The following GABRD variants were observed in gnomAD, a reference collection of about 807,000 sequenced individuals.
GABRD encodes gamma-aminobutyric acid type A receptor subunit delta, also known as gamma-aminobutyric acid receptor subunit delta.
GABRD carries 25 observed loss-of-function variants against 47.3 expected under a neutral mutation model. The observed-to-expected ratio is 0.53, with a 90% CI of 0.39 to 0.74. The LOEUF is 0.74. GABRD is among the 30% of genes least tolerant of loss of function. The pLI, the probability that GABRD is intolerant of heterozygous loss-of-function variation, is 0.00. For missense variants in GABRD, 497 were observed against 643.4 expected (o/e 0.77, Z 2.46); for synonymous variants, 314 against 278.8 (o/e 1.13, Z -1.26).
In GABRD at chr1:2,028,577, C is replaced by T. The variant is rs1233541119; in HGVS notation, c.691+285C>T. The stretch of plus-strand genomic sequence containing the variant: ...TTCCCATCTCACTCCTTGGTCCTTT[C>T]TCTCTTCCCAGCACTCCAGATTTAT... On this transcript the variant is annotated intron_variant, in intron 6 of 8. Transcript: ENST00000378585. This position sits in a 1 kb window ranked among gnomAD's most constrained non-coding sequence, Gnocchi z 6.4. Among the ~76,000 whole-genome samples the T allele has an allele frequency of 1.3e-5, 2 of 152,174 alleles. No homozygotes were observed. Among genetic ancestry groups the T allele is most frequent in the Non-Finnish European group, 2.9e-5 (2 of 68,028 alleles).
rs773435504 is a variant in GABRD at position 2,025,609 on chromosome 1, G to A, written c.341G>A (p.Arg114His). 1.9e-6 allele frequency: 3 copies of A among 1,613,090 alleles called. No homozygotes were observed. Among genetic ancestry groups the A allele is most frequent in the South Asian group, 1.1e-5 (1 of 91,080 alleles). The change falls in exon 4 of 9, where the codon CGC becomes CAC. Residue 114 changes from arginine (R) to histidine (H), a missense_variant. Arg to His is a conservative substitution (Grantham distance 29, BLOSUM62 0). Transcript: ENST00000378585. The part of the protein sequence containing the change: ...HTNETLGLDS[R>H]FVDKLWLPDT... ...AACGAGACCCTGGGTCTGGACAGCCGCTTCGTGGACAAGCTGTGGCTGCCC... is the reference window on the plus strand; with the variant it reads ...AACGAGACCCTGGGTCTGGACAGCCACTTCGTGGACAAGCTGTGGCTGCCC...
rs776654041 is a variant in GABRD, at chr1:2,027,649, C to T, written c.543C>T (p.Asp181=). ...TGGACGAGCAGGAGTGCATGCTGGA[C>T]CTGGAGAGCTGTGAGTGGGTGTGCA... The part of the protein sequence containing the change: ...YPMDEQECML[D]LESYGYSSED... The change falls in exon 5 of 9, where the codon GAC becomes GAT. Residue 181 remains aspartate, a synonymous_variant. Coordinates refer to ENST00000378585, the MANE Select transcript of GABRD (RefSeq NM_000815.5). 1.9e-6 allele frequency: 3 copies of T among 1,613,832 alleles called. No homozygotes were observed. The highest frequency in any genetic ancestry group is 2.5e-6 in the Non-Finnish European group (3 of 1,179,916).
intron 4 of GABRD, among the ~76,000 whole-genome samples, chr1:2,026,184 T>C (rs1658918712): frequency 6.6e-6 from 1 of 152,176 alleles, no homozygotes; most frequent in Admixed American, 6.5e-5. Flanking sequence ...AGCCACCCGC[T>C]TGCTTTCTGT....
chr1:2,028,861 C>T lies in GABRD; in HGVS notation c.692-250C>T. On this transcript the variant is annotated intron_variant, in intron 6 of 8. Coordinates refer to ENST00000378585, the MANE Select transcript of GABRD (RefSeq NM_000815.5). The surrounding 1 kb of genome is among the most constrained non-coding windows in gnomAD (Gnocchi z 6.4). ...AGGGCCAGTCCAGCAAACATGAGGC[C>T]AGCAGTAACCTCAGCCTCTCTCCCT... 1 of 565,230 alleles carries T rather than the reference C, an allele frequency of 1.8e-6. No individual in the cohort carries two copies. The highest frequency in any genetic ancestry group is 1.9e-5 in the African/African-American group (1 of 53,086). 35.0% of individuals were successfully genotyped at this position (565,230 alleles called of 1,614,324 possible).
chr1:2,029,011 C>T (rs1264527318), intron 6 of GABRD, 100 bp from the exon 7 acceptor site: 3 of 1,436,652 alleles, frequency 2.1e-6, no homozygotes, highest in Admixed American at 4.4e-5. Context: ...TCTTCTGAGC[C>T]CTGGTGGGCC....
intron 5 of GABRD, 87 bp downstream of exon 5, chr1:2,027,746 C>T: frequency 6.5e-6 from 8 of 1,230,294 alleles, no homozygotes; most frequent in South Asian, 1.3e-5. Context: ...CAAGGCTGGC[C>T]CGGCTCAGGA....
Position 2,027,967 on chromosome 1 carries a change from C to G in GABRD, c.554-188C>G, listed in dbSNP as rs545268470. On this transcript the variant is annotated intron_variant, in intron 5 of 8. Coordinates refer to ENST00000378585, the MANE Select transcript of GABRD (RefSeq NM_000815.5). ...AACGGTGACCCCATCTGTGTCCCAT[C>G]CACCTGCCCGGAGGAGCCCGACGTG... 1.2e-4 allele frequency: 76 copies of G among 645,818 alleles called. 2 individuals carry two copies. The highest frequency in any genetic ancestry group is 1.1e-3 in the South Asian group (55 of 52,254). 40.0% of individuals were successfully genotyped at this position (645,818 alleles called of 1,614,324 possible).
chr1:2,025,333 G>C lies in GABRD; in HGVS notation c.182-1G>C. On this transcript the variant is annotated splice_acceptor_variant, in intron 2 of 8. Coordinates refer to ENST00000378585, the MANE Select transcript of GABRD (RefSeq NM_000815.5). LOFTEE classifies it high-confidence loss of function. ...TTCTTAGTTCTGCTCTTTCCTTGCA[G>C]GCCCCCCCGTGAATGTGGCCCTTGC... The C allele has an allele frequency of 6.2e-7, 1 of 1,613,202 alleles. No homozygotes were observed. Among genetic ancestry groups the C allele is most frequent in the Non-Finnish European group, 8.5e-7 (1 of 1,179,982 alleles).
intron 1 of GABRD, chr1:2,024,646 G>T (rs1658870487): frequency 8.3e-6 from 2 of 240,954 alleles, no homozygotes; most frequent in Non-Finnish European, 1.6e-5. Context: ...CACGCTGGGG[G>T]GCTCTGTCCA....
chr1:2,027,717 T>G, intron 5 of GABRD, 58 bp downstream of exon 5: 1 of 1,480,712 alleles, frequency 6.8e-7, no homozygotes, highest in South Asian at 1.2e-5. Context: ...GGGCTCAGAC[T>G]GTCAGCCCGG....
chr1:2,028,835 C>G lies in GABRD; in HGVS notation c.692-276C>G. ...CTCCCCATTGGTTGCGAGGGTCCCT[C>G]AGGGCCAGTCCAGCAAACATGAGGC... On this transcript the variant is annotated intron_variant, in intron 6 of 8. Coordinates refer to ENST00000378585, the MANE Select transcript of GABRD (RefSeq NM_000815.5). This position sits in a 1 kb window ranked among gnomAD's most constrained non-coding sequence, Gnocchi z 6.4. The G allele has an allele frequency of 1.9e-6, 1 of 528,538 alleles. No individual in the cohort carries two copies. Among genetic ancestry groups the G allele is most frequent in the South Asian group, 2.5e-5 (1 of 39,556 alleles). 32.7% of individuals were successfully genotyped at this position (528,538 alleles called of 1,614,324 possible). A position where few individuals can be genotyped will look rare whatever the true frequency, so the allele number is the denominator to read the frequency against.
chr1:2,027,159 T>C, intron 4 of GABRD: 2 of 322,248 alleles, frequency 6.2e-6, no homozygotes, highest in South Asian at 2.6e-5. Flanking sequence ...TGAGACCCTG[T>C]CTCATAAACA....
intron 1 of GABRD, among the ~76,000 whole-genome samples, chr1:2,021,329 A>G (rs1337116067): frequency 6.6e-6 from 1 of 152,170 alleles, no homozygotes; most frequent in Non-Finnish European, 1.5e-5. Context: ...CCAGGGTGGA[A>G]GCACCTGCCA....
Position 2,029,727 on chromosome 1 carries a change from A to G in GABRD, c.1024A>G (p.Lys342Glu), listed in dbSNP as rs756202555. 13 of 1,613,200 alleles carry G rather than the reference A, an allele frequency of 8.1e-6. No homozygotes were observed. In the South Asian group the frequency reaches 1.3e-4, roughly 16 times the overall value. ...CAACGCCGACTACAGGAAGAAGCAG[A>G]AGGCCAAGGTCAAGGTCTCCAGGCC... ...HFNADYRKKQ[K>E]AKVKVSRPRA... is the part of the protein sequence containing the mutation. Residue 342 changes from lysine (K) to glutamate (E), a missense_variant, in exon 8 of 9, where the codon AAG becomes GAG. Around this residue, in one of 3 missense-constraint regions of GABRD, gnomAD observed 285 missense variants for 436.6 expected, o/e 0.65. Coordinates refer to ENST00000378585, the MANE Select transcript of GABRD (RefSeq NM_000815.5).
intron 1 of GABRD, among the ~76,000 whole-genome samples, chr1:2,021,019 G>A (rs1340619784): frequency 2.6e-5 from 4 of 152,310 alleles, no homozygotes; most frequent in African/African-American, 9.6e-5. Context: ...GGCTGACGGG[G>A]AAGGGATTCT....
Position 2,030,673 on chromosome 1 carries a change from C to G in GABRD, c.*391C>G, listed in dbSNP as rs41315332. ...GAGGAGGTGGGGGTGGACGTCCATCCGGTGAACAGTGAAGGCGTTTGTGAG... is the reference window on the plus strand; with the variant it reads ...GAGGAGGTGGGGGTGGACGTCCATCGGGTGAACAGTGAAGGCGTTTGTGAG... On this transcript the variant is annotated 3_prime_UTR_variant, in exon 9 of 9. Transcript: ENST00000378585. 1 of 179,172 alleles carries G rather than the reference C, an allele frequency of 5.6e-6. No homozygotes were observed. Among genetic ancestry groups the G allele is most frequent in the African/African-American group, 2.4e-5 (1 of 42,476 alleles). The allele number at this position is 179,172 out of a possible 1,614,324, so 11.1% of individuals were successfully genotyped here.
At chr1:2,022,949 A>T (rs1318919865) in intron 1 of GABRD, among the ~76,000 whole-genome samples, 1 of 152,216 alleles carries the variant, frequency 6.6e-6, no homozygotes, top group Non-Finnish European at 1.5e-5. Flanking sequence ...TAAAACAAGA[A>T]GAAAAGTGGT....
chr1:2,028,906 T>C lies in GABRD; in HGVS notation c.692-205T>C. 6.4e-6 allele frequency: 4 copies of C among 625,554 alleles called. No homozygotes were observed. The Admixed American group carries it at 1.2e-4, about 19-fold the overall frequency. 38.8% of individuals were successfully genotyped at this position (625,554 alleles called of 1,614,324 possible). A position where few individuals can be genotyped will look rare whatever the true frequency, so the allele number is the denominator to read the frequency against. On this transcript the variant is annotated intron_variant, in intron 6 of 8. Transcript: ENST00000378585. This position sits in a 1 kb window ranked among gnomAD's most constrained non-coding sequence, Gnocchi z 6.4. ...CTCCCTCTCCTCTGGGTGACACTGCTCAGGACCAGCCTGTCCTGTGGCCAG... is the reference window on the plus strand; with the variant it reads ...CTCCCTCTCCTCTGGGTGACACTGCCCAGGACCAGCCTGTCCTGTGGCCAG...
At chr1:2,024,658 C>T (rs1034512386) in intron 1 of GABRD, 7 of 276,936 alleles carry the variant, frequency 2.5e-5, no homozygotes, top group African/African-American at 1.3e-4. Flanking sequence ...CTCTGTCCAA[C>T]CCAGGGCCAC....
Sources: allele counts gnomAD v4.1 joint callset (sites outside exome capture counted in the v4.1 genomes callset), GRCh38; gene constraint gnomAD v4.1.1; regional missense constraint gnomAD v4.1.1; non-coding constraint Gnocchi (gnomAD v3.1); transcripts MANE v1.5; gene names NCBI Gene and HGNC (gene_info 2026-07-23, HGNC 2026-07-21).